Variants in MEIOC observed in about 807,000 individuals in gnomAD.
MEIOC encodes meiosis specific with coiled-coil domain.
A neutral mutation model predicts 85.3 loss-of-function variants in MEIOC; 9 were observed. The observed-to-expected ratio is 0.11, with a 90% CI of 0.06 to 0.18. The LOEUF (loss-of-function observed/expected upper bound fraction) is 0.18, where lower values mean the gene tolerates loss of function less well. MEIOC is among the 10% of genes least tolerant of loss of function. The pLI is 1.00. For missense variants in MEIOC, 898 were observed against 1,129.4 expected, an observed-to-expected ratio of 0.80 and a Z score of 2.94; for synonymous variants, 365 against 393.7, an observed-to-expected ratio of 0.93 and a Z score of 0.86.
chr17:44,665,488 G>T lies in MEIOC; in HGVS notation c.464G>T (p.Gly155Val), dbSNP rs1316584638. 1 of 1,520,332 alleles carries T rather than the reference G, an allele frequency of 6.6e-7. No individual in the cohort carries two copies. Among genetic ancestry groups the T allele is most frequent in the Non-Finnish European group, 8.9e-7 (1 of 1,123,154 alleles). The allele number at this position is 1,520,332 out of a possible 1,614,324, so 94.2% of individuals were successfully genotyped here. ...AAGTCACAGCCATATTTTGCTGAAGGGTTAGTATATAATCTATATAGTATA... is the reference window on the plus strand; with the variant it reads ...AAGTCACAGCCATATTTTGCTGAAGTGTTAGTATATAATCTATATAGTATA... ...QDKSQPYFAE[G>V]TCSSNLKSVW... The change falls in exon 4 of 8, where the codon GGG becomes GTG. Residue 155 changes from glycine (G) to valine (V), a missense_variant and splice_region_variant. Gly to Val is a moderately radical substitution (Grantham distance 109). Transcript: ENST00000409122.
rs752234531 is a variant in MEIOC, at chr17:44,668,194, C to T, written c.2283C>T (p.Cys761=). ...AACTTCATATTCGTCTAGAAGAGTG[C>T]TGTGAACAATGGAGAGCATTAGAAA... is the stretch of plus-strand genomic sequence containing the variant. ...ASELHIRLEE[C]CEQWRALEKE... is the part of the protein sequence containing the mutation. The change falls in exon 5 of 8, where the codon TGC becomes TGT. Residue 761 remains cysteine (C), a synonymous_variant. Coordinates refer to ENST00000409122, the MANE Select transcript of MEIOC (RefSeq NM_001145080.3). 1 of 1,611,830 alleles carries T rather than the reference C, an allele frequency of 6.2e-7. No individual in the cohort carries two copies. The highest frequency in any genetic ancestry group is 2.2e-5 in the East Asian group (1 of 44,872).
chr17:44,665,817 T>C (rs1341579499), intron 4 of MEIOC, among the ~76,000 whole-genome samples: 1 of 152,132 alleles, frequency 6.6e-6, no homozygotes, highest in Non-Finnish European at 1.5e-5. Flanking sequence ...ATAAAACTCA[T>C]TACTACTATG....
chr17:44,666,310 CT>C, intron 4 of MEIOC, 65 bp from the exon 5 acceptor site: 1 of 1,354,378 alleles, frequency 7.4e-7, no homozygotes, highest in Non-Finnish European at 9.9e-7. Context: ...CCTTTTCTCC[CT>C]TTTCCACTGA....
At chr17:44,658,289 G>A (rs1317378431) in intron 2 of MEIOC, among the ~76,000 whole-genome samples, 1 of 150,990 alleles carries the variant, frequency 6.6e-6, no homozygotes, top group South Asian at 2.1e-4. Context: ...CGAGTAGCTG[G>A]GACTACAGGC....
chr17:44,662,580 A>T, intron 3 of MEIOC, 109 bp downstream of exon 3: 1 of 810,828 alleles, frequency 1.2e-6, no homozygotes, highest in South Asian at 2.1e-5. Context: ...CTATTGTGGC[A>T]TTTTGTGTTT....
chr17:44,665,486 A>C lies in MEIOC; in HGVS notation c.462A>C (p.Glu154Asp). The C allele has an allele frequency of 3.9e-6, 6 of 1,528,578 alleles. No homozygotes were observed. The highest frequency in any genetic ancestry group is 5.3e-6 in the Non-Finnish European group (6 of 1,129,390). 94.7% of individuals were successfully genotyped at this position (1,528,578 alleles called of 1,614,324 possible). A position where few individuals can be genotyped will look rare whatever the true frequency, so the allele number is the denominator to read the frequency against. Reference protein sequence around the residue: ...EQDKSQPYFAEGTCSSNLKSV... With the variant: ...EQDKSQPYFADGTCSSNLKSV... ...ATAAGTCACAGCCATATTTTGCTGAAGGGTTAGTATATAATCTATATAGTA... is the reference window on the plus strand; with the variant it reads ...ATAAGTCACAGCCATATTTTGCTGACGGGTTAGTATATAATCTATATAGTA... Residue 154 changes from glutamate to aspartate, a missense_variant and splice_region_variant, in exon 4 of 8, where the codon GAA (glutamate) becomes GAC (aspartate). Transcript: ENST00000409122.
Position 44,667,280 on chromosome 17 carries a change from T to A in MEIOC, c.1369T>A (p.Ser457Thr). The part of the protein sequence containing the change: ...PDPPHSEYFK[S>T]VNLLSNSATS... ...TCCCCCACATTCTGAGTATTTTAAA[T>A]CAGTGAATTTATTATCAAACTCAGC... Residue 457 changes from serine to threonine, a missense_variant, in exon 5 of 8, where the codon TCA (serine) becomes ACA (threonine). Physicochemically the swap from Ser to Thr is moderately conservative, Grantham distance 58. This residue lies in a region of MEIOC where 734 missense variants were observed against 860.1 expected (regional missense o/e 0.85). Coordinates refer to ENST00000409122, the MANE Select transcript of MEIOC (RefSeq NM_001145080.3). 2 of 1,613,760 alleles carry A rather than the reference T, an allele frequency of 1.2e-6. No homozygotes were observed. Among genetic ancestry groups the A allele is most frequent in the Non-Finnish European group, 1.7e-6 (2 of 1,179,822 alleles).
Position 44,675,251 on chromosome 17 carries a change from GT to G in MEIOC, c.*1058del. ...ATATTTTGCGTAGTTGTGTTCATTA[GT>G]TTGCTTCTGTATTTTTTTAAAACTA... On this transcript the variant is annotated 3_prime_UTR_variant, in exon 8 of 8. Coordinates refer to ENST00000409122, the MANE Select transcript of MEIOC (RefSeq NM_001145080.3). 2.0e-6 allele frequency: 2 copies of G among 984,480 alleles called. No individual in the cohort carries two copies. The highest frequency in any genetic ancestry group is 2.4e-6 in the Non-Finnish European group (2 of 829,208). 61.0% of individuals were successfully genotyped at this position (984,480 alleles called of 1,614,324 possible). A position where few individuals can be genotyped will look rare whatever the true frequency, so the allele number is the denominator to read the frequency against.
intron 2 of MEIOC, among the ~76,000 whole-genome samples, chr17:44,660,902 G>A (rs1195634441): frequency 1.3e-5 from 2 of 151,342 alleles, no homozygotes; most frequent in African/African-American, 4.9e-5. Flanking sequence ...AGACCAGCCT[G>A]GGCAACACAG....
chr17:44,659,664 A>G (rs138511810), intron 2 of MEIOC, among the ~76,000 whole-genome samples: 99 of 152,352 alleles, frequency 6.5e-4, no homozygotes, highest in African/African-American at 2.0e-3. Context: ...TCAATTTCCA[A>G]TACTGTTTAT....
chr17:44,673,299 G>A, intron 6 of MEIOC, 67 bp from the exon 7 acceptor site: 1 of 1,189,414 alleles, frequency 8.4e-7, no homozygotes, highest in Non-Finnish European at 1.2e-6. Flanking sequence ...CTGCTTCACT[G>A]AAGATTTGTT....
chr17:44,670,262 CAAAAAAAA>C (rs372859968), intron 6 of MEIOC: 1 of 106,542 alleles, frequency 9.4e-6, no homozygotes, highest in East Asian at 2.6e-4. Flanking sequence ...GATCTTGTCT[CAAAAAAAA>C]AAAAAAAAGA....
rs1971937774 is a variant in MEIOC, at chr17:44,668,085, T to C, written c.2174T>C (p.Met725Thr). Residue 725 changes from methionine to threonine, a missense_variant, in exon 5 of 8, where the codon ATG (methionine) becomes ACG (threonine). By Grantham distance (81) the Met-to-Thr change is moderately conservative. This residue lies in a region of MEIOC where 734 missense variants were observed against 860.1 expected (regional missense o/e 0.85). Transcript: ENST00000409122. ...CATTTGTACCCTTATTTTAATATGA[T>C]GTATGGTGATAATTCTTTTTCTGGT... ...LSHLYPYFNM[M>T]YGDNSFSGLM... The C allele has an allele frequency of 6.2e-7, 1 of 1,613,530 alleles. No individual in the cohort carries two copies. Among genetic ancestry groups the C allele is most frequent in the East Asian group, 2.2e-5 (1 of 44,890 alleles).
In MEIOC at chr17:44,673,994, C is replaced by T; in HGVS notation, c.2657C>T (p.Ser886Phe). ...QDDRDVFALA[S>F]AIKEMCVATR... Reference sequence around the variant, plus strand: ...TTTACAGATGTTTTTGCCCTTGCTTCTGCAATTAAAGAGATGTGTGTGGCT... The same window carrying T: ...TTTACAGATGTTTTTGCCCTTGCTTTTGCAATTAAAGAGATGTGTGTGGCT... Residue 886 changes from serine to phenylalanine, a missense_variant, in exon 8 of 8, where the codon TCT becomes TTT. By Grantham distance (155) the Ser-to-Phe change is radical. Around this residue, in one of 2 missense-constraint regions of MEIOC, gnomAD observed 164 missense variants for 269.2 expected, o/e 0.61. Transcript: ENST00000409122. The T allele has an allele frequency of 6.4e-7, 1 of 1,551,428 alleles. No individual in the cohort carries two copies. Among genetic ancestry groups the T allele is most frequent in the Non-Finnish European group, 8.7e-7 (1 of 1,146,814 alleles).
At chr17:44,664,361 C>G (rs1257942057) in intron 3 of MEIOC, among the ~76,000 whole-genome samples, 3 of 151,858 alleles carry the variant, frequency 2.0e-5, no homozygotes, top group Non-Finnish European at 4.4e-5. Context: ...GACTCCATCT[C>G]AAAAATAAAT....
rs1406674746 is a variant in MEIOC, at chr17:44,666,497, T to C, written c.586T>C (p.Tyr196His). 3 of 1,600,526 alleles carry C rather than the reference T, an allele frequency of 1.9e-6. No individual in the cohort carries two copies. The highest frequency in any genetic ancestry group is 1.7e-5 in the Admixed American group (1 of 57,848). Reference protein sequence around the residue: ...IDTVISQQAFYSDESVSAMEK... With the variant: ...IDTVISQQAFHSDESVSAMEK... The stretch of plus-strand genomic sequence containing the variant: ...TACAGTCATCTCTCAGCAAGCTTTT[T>C]ATAGTGATGAATCTGTGTCAGCAAT... The change falls in exon 5 of 8, where the codon TAT (tyrosine) becomes CAT (histidine). Residue 196 changes from tyrosine (Y) to histidine (H), a missense_variant. This residue lies in a region of MEIOC where 734 missense variants were observed against 860.1 expected (regional missense o/e 0.85). Transcript: ENST00000409122.
rs562673774 is a variant in MEIOC at position 44,662,530 on chromosome 17, C to G, written c.359+59C>G. The G allele has an allele frequency of 2.9e-4, 358 of 1,219,024 alleles. 1 individual carries two copies. The Middle Eastern group carries it at 0.013, about 43-fold the overall frequency. 75.5% of individuals were successfully genotyped at this position (1,219,024 alleles called of 1,614,324 possible). A position where few individuals can be genotyped will look rare whatever the true frequency, so the allele number is the denominator to read the frequency against. ...ATTTTTAAATTTAATTACATAGGAACTGAGGTTATTTGCTCTCTGTTCCCT... is the reference window on the plus strand; with the variant it reads ...ATTTTTAAATTTAATTACATAGGAAGTGAGGTTATTTGCTCTCTGTTCCCT... On this transcript the variant is annotated intron_variant, in intron 3 of 7. Transcript: ENST00000409122.
rs555666128 is a variant in MEIOC at position 44,656,909 on chromosome 17, C to A, written c.70-218C>A. 8.3e-3 allele frequency among the ~76,000 whole-genome samples: 750 copies of A among 89,832 alleles called. 7 individuals are homozygous for A. Among genetic ancestry groups the A allele is most frequent in the African/African-American group, 0.03 (720 of 23,828 alleles). The allele number at this position is 89,832 out of a possible 152,430, so 58.9% of individuals were successfully genotyped here. ...CCGGGAGGCAGCCGTCGCGCTGAGG[C>A]GGTGGCCGGGGAGGGGCGCCCCTCG... is the stretch of plus-strand genomic sequence containing the variant. On this transcript the variant is annotated intron_variant, in intron 1 of 7. Transcript: ENST00000409122.
intron 4 of MEIOC, among the ~76,000 whole-genome samples, chr17:44,665,982 C>G (rs1971897913): frequency 6.6e-6 from 1 of 151,868 alleles, no homozygotes; most frequent in Non-Finnish European, 1.5e-5. Context: ...TTTAATTTCA[C>G]AAAGTTTAAG....
Sources: gnomAD v4.1 joint callset for allele counts (sites outside exome capture counted in the v4.1 genomes callset) on GRCh38, gnomAD v4.1.1 for gene constraint, gnomAD v4.1.1 regional missense constraint, MANE v1.5 for transcripts, NCBI Gene and HGNC (gene_info 2026-07-23, HGNC 2026-07-21) for gene names.